The following NRIP1 variants were observed in gnomAD, a reference collection of about 807,000 sequenced individuals.
The protein encoded by NRIP1 is nuclear receptor interacting protein 1.
A neutral mutation model predicts 75.0 loss-of-function variants in NRIP1; 28 were observed. The ratio of observed to expected loss-of-function variants is 0.37; its 90% CI spans 0.28 to 0.51. The LOEUF is 0.51. Among genes scored for constraint, NRIP1 ranks in the 20% least tolerant of loss-of-function variants. The probability of loss-of-function intolerance (pLI) is 0.92; values close to 1 mark genes in which losing one functional copy is unlikely to be tolerated. For missense variants in NRIP1, 1,435 were observed against 1,343.7 expected, an observed-to-expected ratio of 1.07 and a Z score of -1.06; for synonymous variants, 526 against 487.6, an observed-to-expected ratio of 1.08 and a Z score of -1.04.
Position 14,963,741 on chromosome 21 carries a change from A to G in NRIP1, c.*975T>C, listed in dbSNP as rs1224253816. 1 of 152,110 alleles carries G rather than the reference A, an allele frequency of 6.6e-6. No homozygotes were observed. The highest frequency in any genetic ancestry group is 1.9e-4 in the East Asian group (1 of 5,190). 9.4% of individuals were successfully genotyped at this position (152,110 alleles called of 1,614,324 possible). ...GCTGCCTATGAATCTGCATTTTAAA[A>G]CAAGTGCTCCAGATGGTTCTAATGC... is the stretch of plus-strand genomic sequence containing the variant. On this transcript the variant is annotated 3_prime_UTR_variant, in exon 4 of 4. Transcript: ENST00000318948.
rs138170017 is a variant in NRIP1 at position 15,003,802 on chromosome 21, C to A, written c.-335+10542G>T. 1.9e-4 allele frequency among the ~76,000 whole-genome samples: 29 copies of A among 152,266 alleles called. No individual in the cohort carries two copies. The East Asian group carries it at 2.7e-3, about 14-fold the overall frequency. The stretch of plus-strand genomic sequence containing the variant: ...TGCCAATTACAGCAACCTTTCAACC[C>A]TTTAGGTACTGGAAACTACACAGAA... On this transcript the variant is annotated intron_variant, in intron 3 of 3. Transcript: ENST00000318948.
intron 1 of NRIP1, among the ~76,000 whole-genome samples, chr21:15,056,191 C>T (rs868535985): frequency 6.6e-6 from 1 of 151,698 alleles, no homozygotes; most frequent in African/African-American, 2.4e-5. Flanking sequence ...AAATCCAGAG[C>T]AGCCGTAGCT....
chr21:14,986,597 G>A (rs2087411158), intron 3 of NRIP1, among the ~76,000 whole-genome samples: 1 of 152,186 alleles, frequency 6.6e-6, no homozygotes, highest in Non-Finnish European at 1.5e-5. Context: ...TGCTGTGAAT[G>A]GGTAAGATTT....
intron 3 of NRIP1, chr21:14,991,336 C>G (rs2087566299): frequency 6.7e-6 from 1 of 150,090 alleles, no homozygotes; most frequent in South Asian, 2.2e-4. Flanking sequence ...AAAAAATGTT[C>G]TAGGTGTTAT....
At chr21:15,006,873 A>T (rs1055519283) in intron 3 of NRIP1, among the ~76,000 whole-genome samples, 8 of 152,320 alleles carry the variant, frequency 5.3e-5, no homozygotes, top group Admixed American at 2.0e-4. Context: ...AATGACTGAA[A>T]TATGTAAAAA....
chr21:14,966,200 T>C lies in NRIP1; in HGVS notation c.1993A>G (p.Met665Val). ...AAAGGGCTATTTAATCTATCAATCA[T>C]ACCTATCGGTTTATCTGTGTTTCCA... Reference protein sequence around the residue: ...LTGNTDKPIGMIDRLNSPLLS... With the variant: ...LTGNTDKPIGVIDRLNSPLLS... The change falls in exon 4 of 4, where the codon ATG becomes GTG. Residue 665 changes from methionine to valine, a missense_variant. Coordinates refer to ENST00000318948, the MANE Select transcript of NRIP1 (RefSeq NM_003489.4). 1 of 1,613,856 alleles carries C rather than the reference T, an allele frequency of 6.2e-7. No homozygotes were observed. The highest frequency in any genetic ancestry group is 8.5e-7 in the Non-Finnish European group (1 of 1,179,928).
intron 3 of NRIP1, among the ~76,000 whole-genome samples, chr21:15,001,260 G>A (rs2087842402): frequency 6.6e-6 from 1 of 152,146 alleles, no homozygotes; most frequent in Non-Finnish European, 1.5e-5. Context: ...TGTTCTGATT[G>A]TAATCGAAGG....
chr21:15,017,346 C>T (rs753352573), intron 2 of NRIP1, among the ~76,000 whole-genome samples: 3 of 152,116 alleles, frequency 2.0e-5, no homozygotes, highest in South Asian at 2.1e-4. Context: ...GTGTGCACCA[C>T]GGTGCCCAAC....
intron 1 of NRIP1, among the ~76,000 whole-genome samples, chr21:15,049,551 AAGAAT>A (rs2089159256): frequency 6.6e-6 from 1 of 152,144 alleles, no homozygotes. Flanking sequence ...AGGAACTCAA[AAGAAT>A]AGGATTTAGG....
At chr21:15,025,912 A>G (rs2088506441) in intron 2 of NRIP1, among the ~76,000 whole-genome samples, 1 of 152,222 alleles carries the variant, frequency 6.6e-6, no homozygotes, top group Non-Finnish European at 1.5e-5. Flanking sequence ...ATGAGACAAT[A>G]AAATGCAAAG....
chr21:15,031,073 G>A (rs8127283), intron 2 of NRIP1, among the ~76,000 whole-genome samples: 2,739 of 20,216 alleles, frequency 0.14, 161 homozygotes, highest in African/African-American at 0.3. Flanking sequence ...TTCTATGTGT[G>A]TACACTCTGG....
intron 3 of NRIP1, among the ~76,000 whole-genome samples, chr21:15,005,204 G>A (rs944589022): frequency 2.0e-5 from 3 of 152,176 alleles, no homozygotes; most frequent in African/African-American, 7.2e-5. Flanking sequence ...ATACATGGGT[G>A]ACTATCTCTT....
At chr21:14,974,484 G>C (rs1296014363) in intron 3 of NRIP1, among the ~76,000 whole-genome samples, 1 of 152,280 alleles carries the variant, frequency 6.6e-6, no homozygotes, top group African/African-American at 2.4e-5. Context: ...CAATTACAAT[G>C]ATCAATCCAA....
At position 14,966,190 on chromosome 21, in the gene NRIP1, C is replaced by CATT; in HGVS notation, c.2002_2003insAAT (p.Arg668delinsLysTer). On this transcript the variant is annotated stop_gained and protein_altering_variant, in exon 4 of 4. Coordinates refer to ENST00000318948, the MANE Select transcript of NRIP1 (RefSeq NM_003489.4). LOFTEE classifies it high-confidence loss of function. Reference sequence around the variant, plus strand: ...ATTTGAGAGCAAAGGGCTATTTAATCTATCAATCATACCTATCGGTTTATC... The same window carrying CATT: ...ATTTGAGAGCAAAGGGCTATTTAATCATTTATCAATCATACCTATCGGTTTATC... 1 of 1,613,634 alleles carries CATT rather than the reference C, an allele frequency of 6.2e-7. No homozygotes were observed. Among genetic ancestry groups the CATT allele is most frequent in the Non-Finnish European group, 8.5e-7 (1 of 1,179,864 alleles).
At chr21:15,011,673 T>C (rs1600867762) in intron 3 of NRIP1, among the ~76,000 whole-genome samples, 1 of 152,268 alleles carries the variant, frequency 6.6e-6, no homozygotes, top group East Asian at 1.9e-4. Flanking sequence ...TTAGAGAAAA[T>C]TAGTATATTC....
rs143987252 is a variant in NRIP1 at position 14,964,894 on chromosome 21, G to A, written c.3299C>T (p.Ser1100Leu). 3 of 1,613,116 alleles carry A rather than the reference G, an allele frequency of 1.9e-6. No individual in the cohort carries two copies. The highest frequency in any genetic ancestry group is 2.5e-6 in the Non-Finnish European group (3 of 1,179,624). ...TAACTCTTCTTTGGCTGTGACCTGT[G>A]AGACACTTTCAGCAGATGAAGCCTC... ...WREASSAESV[S>L]QVTAKEELLP... The change falls in exon 4 of 4, where the codon TCA (serine) becomes TTA (leucine). Residue 1100 changes from serine (S) to leucine (L), a missense_variant. Coordinates refer to ENST00000318948, the MANE Select transcript of NRIP1 (RefSeq NM_003489.4).
rs78977590 is a variant in NRIP1 at position 15,030,057 on chromosome 21, A to G, written c.-458+13438T>C. ...TGTGACAAATAATGTCTACTCTGAT[A>G]GTAAGAGGCAGGGCTTAGGCATGGG... On this transcript the variant is annotated intron_variant, in intron 2 of 3. Transcript: ENST00000318948. Among the ~76,000 whole-genome samples the G allele has an allele frequency of 0.015, 2,236 of 152,306 alleles. 201 individuals are homozygous for G. The East Asian group carries it at 0.25, about 17-fold the overall frequency.
chr21:14,994,285 T>C (rs952332357), intron 3 of NRIP1, among the ~76,000 whole-genome samples: 1 of 152,090 alleles, frequency 6.6e-6, no homozygotes, highest in Admixed American at 6.5e-5. Flanking sequence ...CCACCATGCC[T>C]GGCTAATTTT....
chr21:14,984,758 T>C (rs2087346638), intron 3 of NRIP1, among the ~76,000 whole-genome samples: 1 of 152,162 alleles, frequency 6.6e-6, no homozygotes, highest in African/African-American at 2.4e-5. Flanking sequence ...TAAGAAATCA[T>C]TACAGAGACC....
Sources: gnomAD v4.1 joint callset for allele counts (sites outside exome capture counted in the v4.1 genomes callset) on GRCh38, gnomAD v4.1.1 for gene constraint, MANE v1.5 for transcripts, NCBI Gene and HGNC (gene_info 2026-07-23, HGNC 2026-07-21) for gene names.